The following ZHX2 variants were observed in gnomAD, a reference collection of about 807,000 sequenced individuals.
ZHX2 encodes the protein zinc fingers and homeoboxes protein 2.
A neutral mutation model predicts 21.9 loss-of-function variants in ZHX2; 6 were observed. The observed-to-expected ratio is 0.27, with a 90% CI of 0.15 to 0.54. ZHX2 has a LOEUF of 0.54. Ranked by LOEUF, ZHX2 falls within the 20% of genes least tolerant of loss-of-function variation. The probability of loss-of-function intolerance (pLI) is 0.95; values close to 1 mark genes in which losing one functional copy is unlikely to be tolerated. For missense variants in ZHX2, 908 were observed against 1,090.7 expected (o/e 0.83, Z 2.36); for synonymous variants, 434 against 437.1 (o/e 0.99, Z 0.09).
intron 2 of ZHX2, among the ~76,000 whole-genome samples, chr8:122,933,707 T>A (rs1218126926): frequency 6.6e-6 from 1 of 152,130 alleles, no homozygotes; most frequent in African/African-American, 2.4e-5. Flanking sequence ...AGATTAAAGG[T>A]GTTACAATGT....
intron 1 of ZHX2, among the ~76,000 whole-genome samples, chr8:122,827,358 T>C (rs899321150): frequency 1.3e-5 from 2 of 152,162 alleles, no homozygotes; most frequent in Non-Finnish European, 2.9e-5. Context: ...TTTTTTTAAC[T>C]ACCGAGGATT....
intron 3 of ZHX2, among the ~76,000 whole-genome samples, chr8:122,971,373 T>A (rs187514185): frequency 2.5e-4 from 38 of 151,460 alleles, no homozygotes; most frequent in African/African-American, 8.5e-4. Flanking sequence ...ACTTGGTGAC[T>A]CTGGCTGGAT....
At chr8:122,844,554 G>C (rs1818710813) in intron 1 of ZHX2, among the ~76,000 whole-genome samples, 1 of 152,254 alleles carries the variant, frequency 6.6e-6, no homozygotes, top group African/African-American at 2.4e-5. Flanking sequence ...GGTCCGGAGA[G>C]AGGAGGTAAC....
chr8:122,788,138 A>G (rs1381317060), intron 1 of ZHX2, among the ~76,000 whole-genome samples: 1 of 152,234 alleles, frequency 6.6e-6, no homozygotes, highest in African/African-American at 2.4e-5. Context: ...TAAGAACAGC[A>G]ATAGCCACAG....
At chr8:122,969,196 A>G (rs1011997432) in intron 3 of ZHX2, among the ~76,000 whole-genome samples, 3 of 152,042 alleles carry the variant, frequency 2.0e-5, no homozygotes, top group Non-Finnish European at 2.9e-5. Flanking sequence ...ATTATGGAGC[A>G]GTACAGAAAT....
intron 2 of ZHX2, among the ~76,000 whole-genome samples, chr8:122,889,809 T>TATATGCAG (rs1187464599): frequency 7.9e-5 from 12 of 152,264 alleles, no homozygotes; most frequent in African/African-American, 2.9e-4. Flanking sequence ...AGGACTCAAA[T>TATATGCAG]ATATGCAGAT....
chr8:122,845,642 A>G (rs978722006), intron 1 of ZHX2, among the ~76,000 whole-genome samples: 2 of 152,238 alleles, frequency 1.3e-5, no homozygotes, highest in Non-Finnish European at 1.5e-5. Flanking sequence ...CAAAAGCCCA[A>G]TTATAAGTGG....
intron 2 of ZHX2, among the ~76,000 whole-genome samples, chr8:122,876,954 A>G (rs1465995160): frequency 6.6e-6 from 1 of 152,222 alleles, no homozygotes; most frequent in Non-Finnish European, 1.5e-5. Context: ...GACGAAGGAC[A>G]TACAGGCTAC....
intron 1 of ZHX2, among the ~76,000 whole-genome samples, chr8:122,821,913 C>T (rs1267732076): frequency 2.6e-5 from 4 of 152,094 alleles, no homozygotes; most frequent in African/African-American, 9.7e-5. Context: ...CCAGGTTGGC[C>T]AGGCTGGTCT....
intron 3 of ZHX2, among the ~76,000 whole-genome samples, chr8:122,958,499 G>A (rs1407903902): frequency 6.6e-6 from 1 of 152,200 alleles, no homozygotes; most frequent in Non-Finnish European, 1.5e-5. Flanking sequence ...CACCCACTGT[G>A]TGCTCAGCTG....
chr8:122,966,637 A>G (rs1329778332), intron 3 of ZHX2, among the ~76,000 whole-genome samples: 2 of 152,136 alleles, frequency 1.3e-5, no homozygotes, highest in Non-Finnish European at 2.9e-5. Flanking sequence ...TGCCTAGGTG[A>G]TGATCTTTTT....
chr8:122,930,380 G>A (rs550029245), intron 2 of ZHX2, among the ~76,000 whole-genome samples: 10 of 152,270 alleles, frequency 6.6e-5, no homozygotes, highest in Non-Finnish European at 1.2e-4. Flanking sequence ...GAGGGATTGC[G>A]GAAGAATGGA....
intron 1 of ZHX2, among the ~76,000 whole-genome samples, chr8:122,819,784 GC>G (rs747039922): frequency 1.8e-4 from 28 of 152,358 alleles, no homozygotes; most frequent in Admixed American, 1.3e-3. Context: ...TCCAGGCTTG[GC>G]TTCCAGAAGG....
chr8:122,923,512 A>G (rs1191162212), intron 2 of ZHX2, among the ~76,000 whole-genome samples: 1 of 152,228 alleles, frequency 6.6e-6, no homozygotes, highest in East Asian at 1.9e-4. Flanking sequence ...TGGTCAAAGC[A>G]GTCACAGGTC....
Position 122,953,062 on chromosome 8 carries a change from C to A in ZHX2, c.1552C>A (p.His518Asn). ...KDQLAIAASR[H>N]GRTYHAYPDF... ...CCAGTTGGCCATCGCGGCCTCCCGA[C>A]ACGGTCGCACGTATCATGCGTACCC... is the stretch of plus-strand genomic sequence containing the variant. Residue 518 changes from histidine (H) to asparagine (N), a missense_variant, in exon 3 of 4, where the codon CAC (histidine) becomes AAC (asparagine). This residue lies in a region of ZHX2 where 431 missense variants were observed against 428.6 expected (regional missense o/e 1.01). Coordinates refer to ENST00000314393, the MANE Select transcript of ZHX2 (RefSeq NM_014943.5). The surrounding 1 kb of genome is among the most constrained non-coding windows in gnomAD (Gnocchi z 4.6). 6.2e-7 allele frequency: 1 copy of A among 1,614,082 alleles called. No homozygotes were observed. The highest frequency in any genetic ancestry group is 8.5e-7 in the Non-Finnish European group (1 of 1,180,040).
chr8:122,927,292 C>T (rs1398487951), intron 2 of ZHX2, among the ~76,000 whole-genome samples: 1 of 152,136 alleles, frequency 6.6e-6, no homozygotes, highest in Non-Finnish European at 1.5e-5. Flanking sequence ...GTCAGGCATT[C>T]GAGACCAGCC....
chr8:122,907,882 G>C (rs1820384443), intron 2 of ZHX2, among the ~76,000 whole-genome samples: 1 of 152,190 alleles, frequency 6.6e-6, no homozygotes, highest in South Asian at 2.1e-4. Context: ...AGGCACTACA[G>C]TAGGGGTTTT....
intron 3 of ZHX2, among the ~76,000 whole-genome samples, chr8:122,957,658 G>A (rs1813343203): frequency 6.6e-6 from 1 of 152,012 alleles, no homozygotes; most frequent in Non-Finnish European, 1.5e-5. Flanking sequence ...TTTAGTAGAG[G>A]TGGGGTTTCA....
intron 2 of ZHX2, among the ~76,000 whole-genome samples, chr8:122,867,909 C>T (rs947376533): frequency 3.3e-5 from 5 of 152,148 alleles, no homozygotes; most frequent in African/African-American, 1.2e-4. Flanking sequence ...TCATACTTTT[C>T]AAATGACTCC....
Sources: gnomAD v4.1 joint callset for allele counts (sites outside exome capture counted in the v4.1 genomes callset) on GRCh38, gnomAD v4.1.1 for gene constraint, gnomAD v4.1.1 regional missense constraint, Gnocchi (gnomAD v3.1) non-coding constraint, MANE v1.5 for transcripts, NCBI Gene and HGNC (gene_info 2026-07-23, HGNC 2026-07-21) for gene names.